Variants in PTCD2 observed in about 807,000 individuals in gnomAD.
The protein encoded by PTCD2 is pentatricopeptide repeat-containing protein 2, mitochondrial.
Under a neutral mutation model 42.6 loss-of-function variants are expected in PTCD2, and 31 were observed. The observed-to-expected ratio is 0.73, with a 90% CI of 0.55 to 0.98. The LOEUF (loss-of-function observed/expected upper bound fraction) is 0.98. Among genes scored for constraint, PTCD2 ranks in the 50% least tolerant of loss-of-function variants. The pLI, the probability that PTCD2 is intolerant of heterozygous loss-of-function variation, is 0.00. For missense variants in PTCD2, 476 were observed against 454.8 expected (o/e 1.05, Z -0.42); for synonymous variants, 183 against 170.9 (o/e 1.07, Z -0.55).
intron 9 of PTCD2, among the ~76,000 whole-genome samples, chr5:72,353,538 A>T (rs1454048857): frequency 6.6e-6 from 1 of 152,248 alleles, no homozygotes; most frequent in Non-Finnish European, 1.5e-5. Flanking sequence ...TTGAAAGAAC[A>T]AACAAGACTA....
In PTCD2 at chr5:72,358,362, T is replaced by C; in HGVS notation, c.1102T>C (p.Leu368=). Residue 368 remains leucine (L), a synonymous_variant, in exon 10 of 10, where the codon TTA becomes CTA. Transcript: ENST00000380639. ...PRDRKSHTLL[L]NKRMVSRRTF... ...GGACAGGAAATCTCACACGTTGCTA[T>C]TAAACAAGAGGATGGTCAGCCGTCG... is the stretch of plus-strand genomic sequence containing the variant. 1 of 1,614,036 alleles carries C rather than the reference T, an allele frequency of 6.2e-7. No homozygotes were observed. Among genetic ancestry groups the C allele is most frequent in the Non-Finnish European group, 8.5e-7 (1 of 1,179,988 alleles).
Position 72,343,010 on chromosome 5 carries a change from G to GA in PTCD2, c.805dup (p.Ser269LysfsTer6), listed in dbSNP as rs1235764782. ...CATTTTTTCTCAAATCATGAATCCA[G>GA]AAAGCATAGCCTGCATTAATTTAAA... is the stretch of plus-strand genomic sequence containing the variant. On this transcript the variant is annotated frameshift_variant, in exon 8 of 10. Transcript: ENST00000380639. LOFTEE classifies it high-confidence loss of function. The GA allele has an allele frequency of 1.3e-6, 2 of 1,599,550 alleles. No individual in the cohort carries two copies. The highest frequency in any genetic ancestry group is 2.3e-5 in the East Asian group (1 of 44,438).
intron 9 of PTCD2, among the ~76,000 whole-genome samples, chr5:72,356,197 A>G (rs1326861647): frequency 3.3e-5 from 5 of 152,238 alleles, no homozygotes; most frequent in Admixed American, 6.5e-5. Flanking sequence ...GTGAAATCCA[A>G]CTTCCATTTT....
chr5:72,333,748 TTTATGTAC>T (rs886825095), intron 4 of PTCD2, among the ~76,000 whole-genome samples: 2 of 152,240 alleles, frequency 1.3e-5, no homozygotes, highest in Non-Finnish European at 2.9e-5. Flanking sequence ...AAGAATAGGT[TTTATGTAC>T]TTTCACCACA....
chr5:72,354,571 A>G (rs1222284857), intron 9 of PTCD2, among the ~76,000 whole-genome samples: 2 of 152,054 alleles, frequency 1.3e-5, no homozygotes, highest in Non-Finnish European at 2.9e-5. Flanking sequence ...ACCCTATGAT[A>G]TTTCTCTTGA....
chr5:72,366,946 A>T lies in PTCD2; in HGVS notation c.*8519A>T, dbSNP rs1327022057. ...TGGGAAAGGGTTTCCTCCCAAATTG[A>T]GAAGGAAAATCCCCCCAATTAACTG... On this transcript the variant is annotated 3_prime_UTR_variant, in exon 10 of 10. Coordinates refer to ENST00000380639, the MANE Select transcript of PTCD2 (RefSeq NM_024754.5). 1 of 152,238 alleles carries T rather than the reference A, an allele frequency of 6.6e-6. No homozygotes were observed. Among genetic ancestry groups the T allele is most frequent in the Non-Finnish European group, 1.5e-5 (1 of 68,042 alleles). 9.4% of individuals were successfully genotyped at this position (152,238 alleles called of 1,614,324 possible).
At chr5:72,357,415 A>G (rs1752929251) in intron 9 of PTCD2, among the ~76,000 whole-genome samples, 1 of 152,008 alleles carries the variant, frequency 6.6e-6, no homozygotes, top group African/African-American at 2.4e-5. Context: ...CTCAACTACC[A>G]TTGTTTCTTA....
At chr5:72,341,326 G>A (rs1305645843) in intron 7 of PTCD2, among the ~76,000 whole-genome samples, 1 of 152,100 alleles carries the variant, frequency 6.6e-6, no homozygotes, top group African/African-American at 2.4e-5. Flanking sequence ...TTACAGGCGT[G>A]AGCCACTGTA....
Position 72,359,491 on chromosome 5 carries a change from C to T in PTCD2, c.*1064C>T, listed in dbSNP as rs1397810146. 6.6e-6 allele frequency: 1 copy of T among 152,132 alleles called. No individual in the cohort carries two copies. Among genetic ancestry groups the T allele is most frequent in the Admixed American group, 6.6e-5 (1 of 15,264 alleles). 9.4% of individuals were successfully genotyped at this position (152,132 alleles called of 1,614,324 possible). A position where few individuals can be genotyped will look rare whatever the true frequency, so the allele number is the denominator to read the frequency against. On this transcript the variant is annotated 3_prime_UTR_variant, in exon 10 of 10. Transcript: ENST00000380639. ...TGCTGCAGACTCTTCATTGCCACCT[C>T]CAAAACTAAGACTGTTCACTTGGTT...
At chr5:72,357,359 A>G (rs1471790093) in intron 9 of PTCD2, among the ~76,000 whole-genome samples, 1 of 152,048 alleles carries the variant, frequency 6.6e-6, no homozygotes, top group Non-Finnish European at 1.5e-5. Flanking sequence ...TCCAAAATAT[A>G]CCTCACATAA....
intron 7 of PTCD2, among the ~76,000 whole-genome samples, chr5:72,339,505 G>T (rs1026949698): frequency 3.3e-5 from 5 of 152,108 alleles, no homozygotes; most frequent in Non-Finnish European, 7.3e-5. Context: ...TCCATATACT[G>T]CTGGGGGGAG....
At chr5:72,327,386 G>A (rs1006435746) in intron 3 of PTCD2, among the ~76,000 whole-genome samples, 8 of 152,120 alleles carry the variant, frequency 5.3e-5, no homozygotes, top group African/African-American at 1.9e-4. Context: ...CAAAGGCTTC[G>A]CTTACCAGGG....
rs1752154953 is a variant in PTCD2, at chr5:72,342,988, T to G, written c.780T>G (p.Ile260Met). ...NQNEMAKAVS[I>M]FSQIMNPESI... ...ATGAGATGGCAAAAGCTGTGTCCAT[T>G]TTTTCTCAAATCATGAATCCAGAAA... The change falls in exon 8 of 10, where the codon ATT (isoleucine) becomes ATG (methionine). Residue 260 changes from isoleucine to methionine, a missense_variant. Coordinates refer to ENST00000380639, the MANE Select transcript of PTCD2 (RefSeq NM_024754.5). 6.2e-7 allele frequency: 1 copy of G among 1,602,564 alleles called. No homozygotes were observed.
chr5:72,343,960 A>C (rs1192563926), intron 8 of PTCD2, among the ~76,000 whole-genome samples: 1 of 152,224 alleles, frequency 6.6e-6, no homozygotes, highest in East Asian at 1.9e-4. Context: ...GTTGAGATGA[A>C]GAAAACATTT....
chr5:72,328,503 G>T (rs1261197685), intron 3 of PTCD2, among the ~76,000 whole-genome samples: 1 of 152,196 alleles, frequency 6.6e-6, no homozygotes. Context: ...GAGGGGAAAA[G>T]GATTCTACCT....
At chr5:72,323,562 TACTG>T (rs1025643918) in intron 2 of PTCD2, among the ~76,000 whole-genome samples, 1 of 152,050 alleles carries the variant, frequency 6.6e-6, no homozygotes, top group Admixed American at 6.5e-5. Flanking sequence ...TTGGTGTCCC[TACTG>T]ACTTTTTCAA....
intron 2 of PTCD2, among the ~76,000 whole-genome samples, chr5:72,324,490 G>A (rs1300318630): frequency 2.0e-5 from 3 of 152,148 alleles, no homozygotes; most frequent in Admixed American, 2.0e-4. Flanking sequence ...TGTTGCTCAT[G>A]CTGATTTCCT....
chr5:72,329,249 A>G (rs934881364), intron 3 of PTCD2, among the ~76,000 whole-genome samples: 8 of 152,360 alleles, frequency 5.3e-5, no homozygotes, highest in African/African-American at 1.2e-4. Context: ...ACAGCCGGAC[A>G]AGTGGAAAGA....
intron 8 of PTCD2, among the ~76,000 whole-genome samples, chr5:72,350,711 C>T (rs1320526022): frequency 3.9e-5 from 6 of 152,100 alleles, no homozygotes; most frequent in African/African-American, 7.2e-5. Flanking sequence ...TCTGTTCTTC[C>T]GAACCAAAGA....
Sources: gnomAD v4.1 joint callset for allele counts (sites outside exome capture counted in the v4.1 genomes callset) on GRCh38, gnomAD v4.1.1 for gene constraint, MANE v1.5 for transcripts, NCBI Gene and HGNC (gene_info 2026-07-23, HGNC 2026-07-21) for gene names.